The following CD33 variants were observed in gnomAD, a reference collection of about 807,000 sequenced individuals.
CD33 encodes the protein myeloid cell surface antigen CD33.
A neutral mutation model predicts 31.4 loss-of-function variants in CD33; 25 were observed. The ratio of observed to expected loss-of-function variants is 0.80; its 90% CI spans 0.58 to 1.11. The LOEUF is 1.11. Among genes scored for constraint, CD33 ranks in the 50% most tolerant of loss-of-function variants. The pLI is 0.00. For missense variants in CD33, 407 were observed against 448.1 expected (o/e 0.91, Z 0.83); for synonymous variants, 176 against 180.6 (o/e 0.97, Z 0.20).
intron 6 of CD33, chr19:51,236,215 T>C (rs1263409140): frequency 3.7e-6 from 1 of 271,962 alleles, no homozygotes; most frequent in Non-Finnish European, 7.3e-6. Flanking sequence ...CACCACACCA[T>C]GCAAGGCCAT....
At chr19:51,211,740 G>T in the CD33 span, 1 of 780,148 alleles carries the variant, frequency 1.3e-6, no homozygotes. Context: ...CTTCCCTCAG[G>T]GCTGTACCTC....
Position 51,225,451 on chromosome 19 carries a change from C to T in CD33, c.271C>T (p.Arg91Cys), listed in dbSNP as rs536711595. 32 of 1,614,018 alleles carry T rather than the reference C, an allele frequency of 2.0e-5. No individual in the cohort carries two copies. The highest frequency in any genetic ancestry group is 5.0e-5 in the Admixed American group (3 of 60,010). Residue 91 changes from arginine (R) to cysteine (C), a missense_variant, in exon 2 of 7, where the codon CGC (arginine) becomes TGC (cysteine). Transcript: ENST00000262262. ...ACAGGAGGAGACTCAGGGCAGATTC[C>T]GCCTCCTTGGGGATCCCAGTAGGAA... ...EVQEETQGRFRLLGDPSRNNC... is the reference protein window; with the variant it reads ...EVQEETQGRFCLLGDPSRNNC...
chr19:51,213,789 G>A, the CD33 span, among the ~76,000 whole-genome samples: 1 of 150,664 alleles, frequency 6.6e-6, no homozygotes, highest in Non-Finnish European at 1.5e-5. Flanking sequence ...GCCTGCCTCG[G>A]CCTCCCAAAT....
upstream of CD33, among the ~76,000 whole-genome samples, chr19:51,224,060 A>G (rs950389113): frequency 6.6e-6 from 1 of 152,112 alleles, no homozygotes; most frequent in African/African-American, 2.4e-5. Flanking sequence ...TCACCAGTCA[A>G]GACAGATTTT....
At chr19:51,229,816 T>C (rs1339588350) in intron 4 of CD33, among the ~76,000 whole-genome samples, 3 of 152,206 alleles carry the variant, frequency 2.0e-5, no homozygotes, top group African/African-American at 7.2e-5. Context: ...GTCAATTTTA[T>C]TTATTTTTCC....
upstream of CD33, among the ~76,000 whole-genome samples, chr19:51,221,763 A>G (rs534129354): frequency 6.6e-6 from 1 of 152,210 alleles, no homozygotes; most frequent in African/African-American, 2.4e-5. Flanking sequence ...ATGCTCCTCA[A>G]ATGGTAAATG....
intron 6 of CD33, 65 bp downstream of exon 6, chr19:51,235,741 C>A (rs772741411): frequency 3.2e-6 from 4 of 1,258,648 alleles, no homozygotes; most frequent in East Asian, 2.4e-5. Context: ...TGTGGCCCAC[C>A]GTCATGCCCC....
chr19:51,218,845 T>C, the CD33 span, among the ~76,000 whole-genome samples: 1 of 152,166 alleles, frequency 6.6e-6, no homozygotes, highest in Non-Finnish European at 1.5e-5. Flanking sequence ...AGTATATGGC[T>C]TTATTTCTGG....
chr19:51,239,188 T>C (rs1982000111), intron 6 of CD33: 1 of 176,928 alleles, frequency 5.7e-6, no homozygotes, highest in African/African-American at 2.4e-5. Flanking sequence ...ATGTGTGACT[T>C]TGGAAATTAC....
intron 6 of CD33, 32 bp from the exon 7 acceptor site, chr19:51,239,486 C>G (rs199793930): frequency 5.2e-5 from 79 of 1,525,612 alleles, no homozygotes; most frequent in Non-Finnish European, 6.8e-5. Context: ...CCTCACTGCC[C>G]TGCTCTAACC....
In CD33 at chr19:51,236,145, G is replaced by C. The variant is rs148707213; in HGVS notation, c.924+469G>C. ...TGCACTCCAGCCTGGGTGACAGAGA[G>C]AGACTCTGTCCCAAAAAGAAAAAAA... On this transcript the variant is annotated intron_variant, in intron 6 of 6. Transcript: ENST00000262262. The C allele has an allele frequency of 0.02, 7,894 of 390,330 alleles. 351 individuals are homozygous for C. Among genetic ancestry groups the C allele is most frequent in the African/African-American group, 0.12 (5,695 of 48,594 alleles). The allele number at this position is 390,330 out of a possible 1,614,324, so 24.2% of individuals were successfully genotyped here.
At chr19:51,234,698 A>G (rs1207244975) in intron 4 of CD33, among the ~76,000 whole-genome samples, 3 of 152,144 alleles carry the variant, frequency 2.0e-5, no homozygotes, top group Non-Finnish European at 2.9e-5. Context: ...AAGGTCTGAG[A>G]ACCACCTCCC....
At chr19:51,231,789 C>T (rs1981445020) in intron 4 of CD33, among the ~76,000 whole-genome samples, 1 of 151,130 alleles carries the variant, frequency 6.6e-6, no homozygotes, top group Non-Finnish European at 1.5e-5. Flanking sequence ...GAAAGTGTCT[C>T]ACTCTGTCGC....
intron 6 of CD33, 35 bp from the exon 7 acceptor site, chr19:51,239,483 G>T: frequency 6.6e-7 from 1 of 1,518,384 alleles, no homozygotes. Context: ...CCTCCTCACT[G>T]CCCTGCTCTA....
chr19:51,219,820 A>T, the CD33 span, among the ~76,000 whole-genome samples: 1 of 152,180 alleles, frequency 6.6e-6, no homozygotes, highest in Admixed American at 6.5e-5. Context: ...AATGTGATGA[A>T]TCACATTTAT....
rs1002908347 is a variant in CD33 at position 51,239,742 on chromosome 19, G to A, written c.*54G>A. 1.7e-5 allele frequency: 25 copies of A among 1,462,840 alleles called. No individual in the cohort carries two copies. Among genetic ancestry groups the A allele is most frequent in the African/African-American group, 1.0e-4 (7 of 70,348 alleles). The allele number at this position is 1,462,840 out of a possible 1,614,324, so 90.6% of individuals were successfully genotyped here. A position where few individuals can be genotyped will look rare whatever the true frequency, so the allele number is the denominator to read the frequency against. ...AGAAGATCCACATCCTCTACAGGTC[G>A]GGGACCAAAGGCTGATTCTTGGAGA... On this transcript the variant is annotated 3_prime_UTR_variant, in exon 7 of 7. Coordinates refer to ENST00000262262, the MANE Select transcript of CD33 (RefSeq NM_001772.4).
rs776889535 is a variant in CD33, at chr19:51,235,664, G to T, written c.912G>T (p.Gly304=). ...GGAATGACACCCACCCTACCACAGG[G>T]TCAGCCTCCCCGGTGAGTGATGGGG... ...VGRNDTHPTT[G]SASPKHQKKS... is the part of the protein sequence containing the mutation. The change falls in exon 6 of 7, where the codon GGG becomes GGT. Residue 304 remains glycine (G), a synonymous_variant. Coordinates refer to ENST00000262262, the MANE Select transcript of CD33 (RefSeq NM_001772.4). 9 of 1,613,474 alleles carry T rather than the reference G, an allele frequency of 5.6e-6. No individual in the cohort carries two copies. Among genetic ancestry groups the T allele is most frequent in the Non-Finnish European group, 6.8e-6 (8 of 1,179,808 alleles).
Position 51,225,943 on chromosome 19 carries a change from C to G in CD33, c.559C>G (p.Leu187Val), listed in dbSNP as rs557555912. 1 of 1,614,042 alleles carries G rather than the reference C, an allele frequency of 6.2e-7. No homozygotes were observed. The highest frequency in any genetic ancestry group is 2.2e-5 in the East Asian group (1 of 44,882). ...FSWLSAAPTS[L>V]GPRTTHSSVL... ...CTGGTTGTCAGCTGCCCCCACCTCCCTGGGCCCCAGGACTACTCACTCCTC... is the reference window on the plus strand; with the variant it reads ...CTGGTTGTCAGCTGCCCCCACCTCCGTGGGCCCCAGGACTACTCACTCCTC... The change falls in exon 3 of 7, where the codon CTG becomes GTG. Residue 187 changes from leucine (L) to valine (V), a missense_variant. Leu to Val is a conservative substitution (Grantham distance 32). Transcript: ENST00000262262.
Position 51,239,716 on chromosome 19 carries a change from T to C in CD33, c.*28T>C. 1 of 1,585,068 alleles carries C rather than the reference T, an allele frequency of 6.3e-7. No individual in the cohort carries two copies. Among genetic ancestry groups the C allele is most frequent in the African/African-American group, 1.3e-5 (1 of 74,146 alleles). ...AACCCACAAGAGCATCAGGCTCAGC[T>C]AGAAGATCCACATCCTCTACAGGTC... On this transcript the variant is annotated 3_prime_UTR_variant, in exon 7 of 7. Transcript: ENST00000262262.
Sources: gnomAD v4.1 joint callset for allele counts (sites outside exome capture counted in the v4.1 genomes callset) on GRCh38, gnomAD v4.1.1 for gene constraint, MANE v1.5 for transcripts, NCBI Gene and HGNC (gene_info 2026-07-23, HGNC 2026-07-21) for gene names.